GNE: variants seen among roughly 807,000 people sequenced by gnomAD.
GNE encodes bifunctional UDP-N-acetylglucosamine 2-epimerase/N-acetylmannosamine kinase.
GNE carries 41 observed loss-of-function variants against 61.8 expected under a neutral mutation model. The observed-to-expected ratio is 0.66, with a 90% CI of 0.52 to 0.86. The LOEUF is 0.86. GNE is among the 40% of genes least tolerant of loss of function. The pLI, the probability that GNE is intolerant of heterozygous loss-of-function variation, is 0.00. For missense variants in GNE, 608 were observed against 909.1 expected (o/e 0.67, Z 4.26); for synonymous variants, 264 against 326.4 (o/e 0.81, Z 2.06).
intron 3 of GNE, among the ~76,000 whole-genome samples, chr9:36,243,029 TG>T (rs201482698): frequency 0.011 from 1,672 of 152,136 alleles, 31 homozygotes; most frequent in African/African-American, 0.037. Context: ...CATGAGCCAC[TG>T]GCACCTGGCC....
At chr9:36,262,433 T>C (rs570306781), upstream of GNE, among the ~76,000 whole-genome samples, 12 of 152,334 alleles carry the variant, frequency 7.9e-5, no homozygotes, top group South Asian at 1.2e-3. Context: ...GAGATCACTT[T>C]CCTATGGGTA....
rs1187783096 is a variant in GNE, at chr9:36,276,499, G to T, written c.51+395C>A. Among the ~76,000 whole-genome samples the T allele has an allele frequency of 2.6e-5, 4 of 152,256 alleles. No individual in the cohort carries two copies. In the South Asian group the frequency reaches 8.3e-4, roughly 32 times the overall value. On this transcript the variant is annotated intron_variant, in intron 1 of 11. Transcript: ENST00000396594. ...AGGGAAAAGAAGTACAAATCAGGCA[G>T]CTCTACATGCCATGTTTCAAAAGGG...
intron 5 of GNE, among the ~76,000 whole-genome samples, chr9:36,230,286 A>G (rs1304393758): frequency 6.6e-6 from 1 of 151,936 alleles, no homozygotes; most frequent in Admixed American, 6.6e-5. Context: ...CCACCACCCC[A>G]TCCTTAAAAC....
rs1206813320 is a variant in GNE at position 36,215,576 on chromosome 9, T to C, written c.*1789A>G. The C allele has an allele frequency of 6.6e-6, 1 of 152,180 alleles. No homozygotes were observed. Among genetic ancestry groups the C allele is most frequent in the Non-Finnish European group, 1.5e-5 (1 of 68,036 alleles). 9.4% of individuals were successfully genotyped at this position (152,180 alleles called of 1,614,324 possible). ...GGATCAAACCCTCTCTCTAGCCCCA[T>C]AGCTTAACAGTCAAACACACCAAGT... On this transcript the variant is annotated 3_prime_UTR_variant, in exon 12 of 12. Coordinates refer to ENST00000642385, the MANE Select transcript of GNE (RefSeq NM_005476.7).
intron 10 of GNE, 40 bp downstream of exon 10, chr9:36,219,798 A>G: frequency 1.3e-6 from 2 of 1,544,326 alleles, no homozygotes; most frequent in East Asian, 2.2e-5. Context: ...GTACTTGTCT[A>G]CTATTTGGTT....
chr9:36,219,422 T>G lies in GNE; in HGVS notation c.1816+416A>C, dbSNP rs10972793. 1.8e-3 allele frequency among the ~76,000 whole-genome samples: 269 copies of G among 146,958 alleles called. 1 individual carries two copies. Among genetic ancestry groups the G allele is most frequent in the Admixed American group, 3.7e-3 (55 of 14,752 alleles). ...TTTCCTTCAGCATATGCTCACAAAT[T>G]GGTTTTGGGGGCCAAAAATCTACAC... On this transcript the variant is annotated intron_variant, in intron 10 of 11. Transcript: ENST00000642385.
intron 1 of GNE, among the ~76,000 whole-genome samples, chr9:36,252,900 T>C (rs1168554518): frequency 6.6e-6 from 1 of 152,174 alleles, no homozygotes; most frequent in East Asian, 1.9e-4. Context: ...GGCTCACGCC[T>C]GTAATCCCAA....
chr9:36,236,821 A>G lies in GNE; in HGVS notation c.769+11T>C. 6.2e-7 allele frequency: 1 copy of G among 1,612,860 alleles called. No individual in the cohort carries two copies. The highest frequency in any genetic ancestry group is 1.3e-5 in the African/African-American group (1 of 75,022). On this transcript the variant is annotated intron_variant, in intron 4 of 11. Coordinates refer to ENST00000642385, the MANE Select transcript of GNE (RefSeq NM_005476.7). ...AGTAGGTGGCATAATTTCATTTTCA[A>G]GTTCAATTACCTGCGTCAATATTTG...
At position 36,215,935 on chromosome 9, in the gene GNE, T is replaced by G; in HGVS notation, c.*1430A>C. On this transcript the variant is annotated 3_prime_UTR_variant, in exon 12 of 12. Coordinates refer to ENST00000642385, the MANE Select transcript of GNE (RefSeq NM_005476.7). The stretch of plus-strand genomic sequence containing the variant: ...TGCTGGTCAGTAGCAAAGATCCTTT[T>G]GGGACAGTTAATCTCCTTTTAAAGG... 1 of 200,950 alleles carries G rather than the reference T, an allele frequency of 5.0e-6. No homozygotes were observed. Among genetic ancestry groups the G allele is most frequent in the South Asian group, 7.7e-5 (1 of 13,040 alleles). 12.4% of individuals were successfully genotyped at this position (200,950 alleles called of 1,614,324 possible).
chr9:36,265,300 G>A (rs1039585682), intron 1 of GNE: 1 of 434,172 alleles, frequency 2.3e-6, no homozygotes, highest in Non-Finnish European at 4.7e-6. Context: ...GTGGGGCCAA[G>A]AACCCCAGGT....
rs910508763 is a variant in GNE, at chr9:36,241,065, A to T, written c.617-4081T>A. Reference sequence around the variant, plus strand: ...CTTCTTTTCTTGGTTAATCTTGCCAATGGTCTAACAGTTTTATTTATCTTT... The same window carrying T: ...CTTCTTTTCTTGGTTAATCTTGCCATTGGTCTAACAGTTTTATTTATCTTT... On this transcript the variant is annotated intron_variant, in intron 3 of 11. Coordinates refer to ENST00000642385, the MANE Select transcript of GNE (RefSeq NM_005476.7). 4.0e-5 allele frequency among the ~76,000 whole-genome samples: 6 copies of T among 150,954 alleles called. No individual in the cohort carries two copies. In the South Asian group the frequency reaches 1.2e-3, roughly 31 times the overall value.
At chr9:36,242,313 G>A (rs1048456469) in intron 3 of GNE, among the ~76,000 whole-genome samples, 2 of 148,138 alleles carry the variant, frequency 1.4e-5, no homozygotes, top group African/African-American at 4.9e-5. Flanking sequence ...AATTTTAGCT[G>A]TTCTGTTGTC....
At position 36,218,244 on chromosome 9, in the gene GNE, C is replaced by G. The variant is rs145361930; in HGVS notation, c.1872G>C (p.Ala624=). The change falls in exon 11 of 12, where the codon GCG becomes GCC. Residue 624 remains alanine, a synonymous_variant. Transcript: ENST00000642385. The surrounding 1 kb of genome is among the most constrained non-coding windows in gnomAD (Gnocchi z 4.1). The part of the protein sequence containing the change: ...MSVPKDEAVG[A]LHLIQAAKLG... ...GTTTCGCAGCTTGGATGAGATGGAG[C>G]GCACCCACAGCCTCATCTTTTGGCA... 1 of 1,613,998 alleles carries G rather than the reference C, an allele frequency of 6.2e-7. No homozygotes were observed. The highest frequency in any genetic ancestry group is 2.2e-5 in the East Asian group (1 of 44,860).
chr9:36,248,220 T>G (rs1829978941), intron 2 of GNE, among the ~76,000 whole-genome samples: 1 of 152,160 alleles, frequency 6.6e-6, no homozygotes, highest in African/African-American at 2.4e-5. Flanking sequence ...GAGACTGCAT[T>G]AATATATTCA....
upstream of GNE, among the ~76,000 whole-genome samples, chr9:36,260,155 C>T (rs1025677714): frequency 3.3e-5 from 5 of 151,832 alleles, no homozygotes; most frequent in Admixed American, 2.6e-4. Context: ...GTGGCTCACA[C>T]CTGCAGTCCC....
At chr9:36,260,636 G>A (rs929116038), upstream of GNE, among the ~76,000 whole-genome samples, 4 of 152,004 alleles carry the variant, frequency 2.6e-5, no homozygotes, top group Non-Finnish European at 5.9e-5. Context: ...TTGGGAGGCC[G>A]AGGCGGGCGG....
chr9:36,265,589 C>T (rs903804805), intron 1 of GNE: 4 of 404,506 alleles, frequency 9.9e-6, no homozygotes, highest in Admixed American at 9.8e-5. Flanking sequence ...GTATCTCACC[C>T]CATACTGTAT....
Position 36,215,861 on chromosome 9 carries a change from TA to T in GNE, c.*1503del, listed in dbSNP as rs1023947683. The T allele has an allele frequency of 6.4e-6, 1 of 157,232 alleles. No individual in the cohort carries two copies. Among genetic ancestry groups the T allele is most frequent in the Non-Finnish European group, 1.4e-5 (1 of 71,170 alleles). The allele number at this position is 157,232 out of a possible 1,614,324, so 9.7% of individuals were successfully genotyped here. On this transcript the variant is annotated 3_prime_UTR_variant, in exon 12 of 12. Coordinates refer to ENST00000642385, the MANE Select transcript of GNE (RefSeq NM_005476.7). ...AAACTCAAAACTTTAATGGACACCC[TA>T]GGGTGTTACTCAACACAGTATGAAA...
chr9:36,221,285 C>T (rs1344152899), intron 9 of GNE, among the ~76,000 whole-genome samples: 1 of 152,094 alleles, frequency 6.6e-6, no homozygotes, highest in East Asian at 1.9e-4. Context: ...GCACTCCAGC[C>T]TGGGTGACAG....
Sources: gnomAD v4.1 joint callset for allele counts (sites outside exome capture counted in the v4.1 genomes callset) on GRCh38, gnomAD v4.1.1 for gene constraint, Gnocchi (gnomAD v3.1) non-coding constraint, MANE v1.5 for transcripts, NCBI Gene and HGNC (gene_info 2026-07-23, HGNC 2026-07-21) for gene names.